The following PPM1L variants were observed in gnomAD, a reference collection of about 807,000 sequenced individuals.
PPM1L encodes the protein protein phosphatase 1L.
In PPM1L, 13 loss-of-function variants were observed where a neutral mutation model predicts 31.4. That is an observed-to-expected ratio of 0.41 (90% CI 0.27 to 0.66). The LOEUF (loss-of-function observed/expected upper bound fraction) is 0.66, where lower values mean the gene tolerates loss of function less well. Ranked by LOEUF, PPM1L falls within the 30% of genes least tolerant of loss-of-function variation. PPM1L has a pLI of 0.29. For synonymous variants in PPM1L, 184 were observed against 175.4 expected (o/e 1.05, Z -0.39); for missense variants, 326 against 453.7 (o/e 0.72, Z 2.56).
intron 2 of PPM1L, among the ~76,000 whole-genome samples, chr3:161,028,322 A>G (rs917513506): frequency 5.3e-5 from 8 of 152,160 alleles, no homozygotes; most frequent in Admixed American, 1.3e-4. Context: ...ACAGGAAAAC[A>G]GAATGTAGAG....
At chr3:160,882,721 T>C (rs187214898) in intron 1 of PPM1L, among the ~76,000 whole-genome samples, 37 of 152,152 alleles carry the variant, frequency 2.4e-4, no homozygotes, top group Non-Finnish European at 1.2e-4. Flanking sequence ...AAATGAAAAG[T>C]TTCCCACTCA....
intron 1 of PPM1L, among the ~76,000 whole-genome samples, chr3:160,783,480 A>T (rs1711807362): frequency 6.6e-6 from 1 of 151,832 alleles, no homozygotes; most frequent in Non-Finnish European, 1.5e-5. Context: ...GGTGCCTGTA[A>T]TCCCAGTTAC....
At chr3:161,066,458 G>A (rs1354911070) in intron 3 of PPM1L, among the ~76,000 whole-genome samples, 1 of 152,220 alleles carries the variant, frequency 6.6e-6, no homozygotes, top group Non-Finnish European at 1.5e-5. Context: ...CATGAAGCAG[G>A]TAAGGGGAGT....
intron 2 of PPM1L, among the ~76,000 whole-genome samples, chr3:161,026,878 T>A (rs1024845396): frequency 1.3e-5 from 2 of 152,196 alleles, no homozygotes; most frequent in African/African-American, 4.8e-5. Flanking sequence ...TGGAGGCTAT[T>A]GCTCTTTGGA....
chr3:160,964,818 T>C (rs1475293262), intron 2 of PPM1L, among the ~76,000 whole-genome samples: 1 of 152,052 alleles, frequency 6.6e-6, no homozygotes, highest in Non-Finnish European at 1.5e-5. Flanking sequence ...TGTTGCTGTG[T>C]GTTGCAAAAC....
rs557812070 is a variant in PPM1L, at chr3:160,784,512, A to G, written c.399+27805A>G. Among the ~76,000 whole-genome samples the G allele has an allele frequency of 1.6e-3, 240 of 152,330 alleles. 1 individual carries two copies. Among genetic ancestry groups the G allele is most frequent in the African/African-American group, 5.4e-3 (225 of 41,580 alleles). On this transcript the variant is annotated intron_variant, in intron 1 of 3. Coordinates refer to ENST00000498165, the MANE Select transcript of PPM1L (RefSeq NM_139245.4). The stretch of plus-strand genomic sequence containing the variant: ...AGAAAATGGAAAGAAAAAAAGCCAC[A>G]CAATGTAAAATGAGGTCGGGTTACC...
chr3:160,919,602 TGTTA>T (rs1023065501), intron 1 of PPM1L, among the ~76,000 whole-genome samples: 15 of 152,308 alleles, frequency 9.8e-5, no homozygotes, highest in East Asian at 1.9e-4. Flanking sequence ...GTAGCTTTTT[TGTTA>T]GTTTGTTTTA....
chr3:160,834,259 G>C (rs994331237), intron 1 of PPM1L, among the ~76,000 whole-genome samples: 3 of 151,864 alleles, frequency 2.0e-5, no homozygotes, highest in African/African-American at 7.3e-5. Flanking sequence ...TCCTGACCTC[G>C]TGATCTGCCC....
At chr3:160,848,514 G>A (rs559254881) in intron 1 of PPM1L, among the ~76,000 whole-genome samples, 1 of 152,228 alleles carries the variant, frequency 6.6e-6, no homozygotes, top group South Asian at 2.1e-4. Flanking sequence ...ACTATTACAT[G>A]TCAACAGGCT....
At chr3:160,776,604 CTTTTT>C (rs72051944) in intron 1 of PPM1L, among the ~76,000 whole-genome samples, 1 of 132,954 alleles carries the variant, frequency 7.5e-6, no homozygotes. Context: ...ACCTTGGTGC[CTTTTT>C]TTTTTTTTTT....
intron 1 of PPM1L, among the ~76,000 whole-genome samples, chr3:160,871,062 C>A (rs1712285454): frequency 6.6e-6 from 1 of 152,156 alleles, no homozygotes; most frequent in Non-Finnish European, 1.5e-5. Context: ...GGCTTGAAAT[C>A]CAAGGATCTA....
At chr3:160,849,867 A>G (rs1002989744) in intron 1 of PPM1L, among the ~76,000 whole-genome samples, 1 of 152,180 alleles carries the variant, frequency 6.6e-6, no homozygotes, top group African/African-American at 2.4e-5. Context: ...TGATTAGGAA[A>G]AACAAGCCAT....
At chr3:161,061,736 C>T (rs1057095758) in intron 2 of PPM1L, among the ~76,000 whole-genome samples, 4 of 152,088 alleles carry the variant, frequency 2.6e-5, no homozygotes, top group Non-Finnish European at 2.9e-5. Flanking sequence ...CTTGGCCATC[C>T]GTGGATTTTG....
At chr3:160,801,475 C>T (rs1446348421) in intron 1 of PPM1L, among the ~76,000 whole-genome samples, 1 of 152,142 alleles carries the variant, frequency 6.6e-6, no homozygotes, top group Non-Finnish European at 1.5e-5. Flanking sequence ...AGTCACAGGA[C>T]GAAGAACATT....
At chr3:160,926,574 C>G (rs1714599606) in intron 1 of PPM1L, among the ~76,000 whole-genome samples, 2 of 152,122 alleles carry the variant, frequency 1.3e-5, no homozygotes, top group South Asian at 4.1e-4. Flanking sequence ...TGAATATGTT[C>G]CAGGGTAACA....
chr3:160,897,811 T>C (rs1560143160), intron 1 of PPM1L, among the ~76,000 whole-genome samples: 3 of 152,220 alleles, frequency 2.0e-5, no homozygotes. Context: ...TGAATATTCA[T>C]TTTTGCATAT....
At chr3:160,849,796 C>CCTCGT (rs199575025) in intron 1 of PPM1L, among the ~76,000 whole-genome samples, 5,651 of 152,006 alleles carry the variant, frequency 0.037, 132 homozygotes, top group Middle Eastern at 0.068. Flanking sequence ...GATCTCCTGA[C>CCTCGT]CTCGTGATCC....
chr3:161,057,744 G>A (rs774628127), intron 2 of PPM1L, among the ~76,000 whole-genome samples: 1 of 151,950 alleles, frequency 6.6e-6, no homozygotes, highest in Admixed American at 6.6e-5. Context: ...GCTTTCCCCT[G>A]AGCACGTGTT....
In PPM1L at chr3:160,949,200, C is replaced by T. The variant is rs369822362; in HGVS notation, c.400-12536C>T. ...AAAACCGAAGCCCTGTCCTAGTGCCCTTCCCCTGTATGGAGCTAATAAGGC... is the reference window on the plus strand; with the variant it reads ...AAAACCGAAGCCCTGTCCTAGTGCCTTTCCCCTGTATGGAGCTAATAAGGC... On this transcript the variant is annotated intron_variant, in intron 1 of 3. Coordinates refer to ENST00000498165, the MANE Select transcript of PPM1L (RefSeq NM_139245.4). 2.6e-5 allele frequency among the ~76,000 whole-genome samples: 4 copies of T among 152,156 alleles called. No homozygotes were observed. In the South Asian group the frequency reaches 8.3e-4, roughly 32 times the overall value.
Sources: allele counts gnomAD v4.1 joint callset (sites outside exome capture counted in the v4.1 genomes callset), GRCh38; gene constraint gnomAD v4.1.1; transcripts MANE v1.5; gene names NCBI Gene and HGNC (gene_info 2026-07-23, HGNC 2026-07-21).